The following ATG16L2 variants were observed in gnomAD, a reference collection of about 807,000 sequenced individuals.
The protein encoded by ATG16L2 is protein Atg16l2.
A neutral mutation model predicts 84.7 loss-of-function variants in ATG16L2; 77 were observed. That is an observed-to-expected ratio of 0.91 (90% CI 0.76 to 1.10). The LOEUF (loss-of-function observed/expected upper bound fraction) is 1.10, where lower values mean the gene tolerates loss of function less well. ATG16L2 is among the 50% of genes least tolerant of loss of function. The pLI is 0.00. For synonymous variants in ATG16L2, 361 were observed against 342.8 expected (o/e 1.05, Z -0.59); for missense variants, 782 against 817.6 (o/e 0.96, Z 0.53).
intron 3 of ATG16L2, among the ~76,000 whole-genome samples, chr11:72,819,315 C>T (rs1201966055): frequency 2.0e-5 from 3 of 152,124 alleles, no homozygotes; most frequent in Non-Finnish European, 4.4e-5. Flanking sequence ...CCATATCTGA[C>T]ATAGTACAAG....
chr11:72,818,743 C>T (rs1859820967), intron 3 of ATG16L2: 1 of 152,222 alleles, frequency 6.6e-6, no homozygotes, highest in Non-Finnish European at 1.5e-5. Context: ...ATTCTCTCAA[C>T]ATCTGTTGAC....
rs750803354 is a variant in ATG16L2, at chr11:72,828,500, G to C, written c.1614G>C (p.Gln538His). The C allele has an allele frequency of 6.2e-7, 1 of 1,614,188 alleles. No homozygotes were observed. Among genetic ancestry groups the C allele is most frequent in the African/African-American group, 1.3e-5 (1 of 75,060 alleles). Residue 538 changes from glutamine to histidine, a missense_variant, in exon 15 of 18, where the codon CAG becomes CAC. Physicochemically the swap from Gln to His is conservative, Grantham distance 24. Transcript: ENST00000321297. ...VIDLRVSNIR[Q>H]VFRADGFKCG... ...ACCTGCGTGTCAGCAACATCCGCCA[G>C]GTGTTCAGGTACCAGCCTCATGCCT...
At chr11:72,843,512 C>T (rs776802820) in exon 6 of ATG16L2, 1 of 1,613,712 alleles carries the variant, frequency 6.2e-7, no homozygotes, top group South Asian at 1.1e-5. Context: ...CCTCAATGGT[C>T]AACTCATCTG....
chr11:72,841,507 G>A lies in ATG16L2; in HGVS notation c.*22-1110G>A, dbSNP rs772588181. On this transcript the variant is annotated intron_variant, in intron 5 of 5. Coordinates refer to the ATG16L2 transcript ENST00000534905. ...CAGGGAGCTCCTCTTATCTGGGCTG[G>A]GGTAGGGGCTGCTGGGAGGCTGGTC... 1.3e-5 allele frequency: 21 copies of A among 1,611,376 alleles called. No individual in the cohort carries two copies. The East Asian group carries it at 2.5e-4, about 19-fold the overall frequency.
intron 11 of ATG16L2, 84 bp downstream of exon 11, chr11:72,826,327 C>T (rs564637547): frequency 4.4e-5 from 65 of 1,485,736 alleles, no homozygotes; most frequent in Middle Eastern, 3.7e-4. Flanking sequence ...GACCTGAGGG[C>T]GCAACATGGA....
downstream of ATG16L2, among the ~76,000 whole-genome samples, chr11:72,834,611 C>T (rs1182038682): frequency 1.3e-5 from 2 of 148,694 alleles, no homozygotes; most frequent in African/African-American, 5.0e-5. Context: ...GAGACAGAGT[C>T]TTGCTCTGTC....
In ATG16L2 at chr11:72,821,703, G is replaced by A. The variant is rs535139538; in HGVS notation, c.354G>A (p.Leu118=). 36 of 1,537,574 alleles carry A rather than the reference G, an allele frequency of 2.3e-5. No individual in the cohort carries two copies. Among genetic ancestry groups the A allele is most frequent in the Admixed American group, 9.8e-5 (5 of 50,950 alleles). Residue 118 remains leucine, a synonymous_variant, in exon 4 of 18, where the codon CTG becomes CTA. Coordinates refer to ENST00000321297, the MANE Select transcript of ATG16L2 (RefSeq NM_033388.2). Reference sequence around the variant, plus strand: ...AGGTGGTGGAGAAGGGCGCGGCCCTGGGCACGCTGGAGTCGGAGCTGCAGC... The same window carrying A: ...AGGTGGTGGAGAAGGGCGCGGCCCTAGGCACGCTGGAGTCGGAGCTGCAGC... ...AYQVVEKGAA[L]GTLESELQQR...
At chr11:72,824,647 T>C in intron 8 of ATG16L2, 87 bp from the exon 9 acceptor site, 1 of 957,420 alleles carries the variant, frequency 1.0e-6, no homozygotes, top group African/African-American at 1.6e-5. Context: ...GTCTGCTTCC[T>C]ATGGTTGATG....
In ATG16L2 at chr11:72,826,685, C is replaced by G. The variant is rs768966227; in HGVS notation, c.1246-18C>G. 1.2e-6 allele frequency: 2 copies of G among 1,614,098 alleles called. No homozygotes were observed. ...GTCTTGGCCAAACTCTTGATCCGTACCTGGGGCCGGGGTACAGGAGACACT... is the reference window on the plus strand; with the variant it reads ...GTCTTGGCCAAACTCTTGATCCGTAGCTGGGGCCGGGGTACAGGAGACACT... On this transcript the variant is annotated intron_variant, in intron 12 of 17. Coordinates refer to ENST00000321297, the MANE Select transcript of ATG16L2 (RefSeq NM_033388.2).
At position 72,824,147 on chromosome 11, in the gene ATG16L2, G is replaced by A. The variant is rs372312861; in HGVS notation, c.887+25G>A. ...AGTAAGTGTGTGTGTGCCTGTGTGT[G>A]CACCCACGTGTGTGTCGGGCTCCCC... On this transcript the variant is annotated intron_variant, in intron 8 of 17. Transcript: ENST00000321297. 5.6e-6 allele frequency: 9 copies of A among 1,613,880 alleles called. No individual in the cohort carries two copies. The African/African-American group carries it at 1.1e-4, about 19-fold the overall frequency.
In ATG16L2 at chr11:72,821,849, C is replaced by G. The variant is rs1002280257; in HGVS notation, c.392+108C>G. 65 of 1,440,404 alleles carry G rather than the reference C, an allele frequency of 4.5e-5. No homozygotes were observed. The Admixed American group carries it at 7.3e-4, about 16-fold the overall frequency. The allele number at this position is 1,440,404 out of a possible 1,614,324, so 89.2% of individuals were successfully genotyped here. A position where few individuals can be genotyped will look rare whatever the true frequency, so the allele number is the denominator to read the frequency against. On this transcript the variant is annotated intron_variant, in intron 4 of 17. Transcript: ENST00000321297. The stretch of plus-strand genomic sequence containing the variant: ...CGCGGGCCGAGATCTTTCCCTACGT[C>G]CCCCCGACCCCATCGGTTGGTGCCA...
rs1478113736 is a variant in ATG16L2, at chr11:72,814,473, C to T, written c.28C>T (p.Pro10Ser). The change falls in exon 1 of 18, where the codon CCC (proline) becomes TCC (serine). Residue 10 changes from proline (P) to serine (S), a missense_variant. Coordinates refer to ENST00000321297, the MANE Select transcript of ATG16L2 (RefSeq NM_033388.2). ...GGCGGGGCCGGGCGTCCCCGGTGCC[C>T]CCGCAGCGCGCTGGAAACGCCACAT... is the stretch of plus-strand genomic sequence containing the variant. Reference protein sequence around the residue: MAGPGVPGAPAARWKRHIVR... With the variant: MAGPGVPGASAARWKRHIVR... The T allele has an allele frequency of 2.0e-6, 3 of 1,518,120 alleles. No homozygotes were observed. The highest frequency in any genetic ancestry group is 1.2e-5 in the South Asian group (1 of 81,614). 94.0% of individuals were successfully genotyped at this position (1,518,120 alleles called of 1,614,324 possible).
intron 5 of ATG16L2, chr11:72,838,641 G>A (rs1860806440): frequency 3.2e-6 from 2 of 623,864 alleles, no homozygotes; most frequent in Non-Finnish European, 5.7e-6. Context: ...AACGTGGGAG[G>A]AGTCTACCAG....
rs1591303608 is a variant in ATG16L2 at position 72,822,584 on chromosome 11, C to G, written c.710+41C>G. On this transcript the variant is annotated intron_variant, in intron 6 of 17. Transcript: ENST00000321297. This position sits in a 1 kb window ranked among gnomAD's most constrained non-coding sequence, Gnocchi z 4.2. ...GGCCGGTCCGACCCTTGCGTTCTGC[C>G]TCCCGCCCCGCCTGCCTGCGGCGAC... The G allele has an allele frequency of 7.5e-7, 1 of 1,334,662 alleles. No individual in the cohort carries two copies. Among genetic ancestry groups the G allele is most frequent in the African/African-American group, 1.5e-5 (1 of 68,642 alleles). 82.7% of individuals were successfully genotyped at this position (1,334,662 alleles called of 1,614,324 possible). A position where few individuals can be genotyped will look rare whatever the true frequency, so the allele number is the denominator to read the frequency against.
At chr11:72,825,022 G>T (rs1169744524) in intron 9 of ATG16L2, among the ~76,000 whole-genome samples, 180 bp downstream of exon 9, 1 of 152,150 alleles carries the variant, frequency 6.6e-6, no homozygotes, top group Admixed American at 6.5e-5. Flanking sequence ...TTATGATGTG[G>T]GCATAAGCCG....
At chr11:72,841,967 ACTT>A (rs1241397435) in intron 5 of ATG16L2, among the ~76,000 whole-genome samples, 1 of 152,164 alleles carries the variant, frequency 6.6e-6, no homozygotes, top group Non-Finnish European at 1.5e-5. Context: ...TGAATTTCTG[ACTT>A]CCCCAGGTTT....
chr11:72,815,819 C>T (rs1455999160), intron 1 of ATG16L2: 3 of 152,114 alleles, frequency 2.0e-5, no homozygotes, highest in Non-Finnish European at 4.4e-5. Flanking sequence ...ACCCCACCCT[C>T]CCCTGGAACT....
downstream of ATG16L2, among the ~76,000 whole-genome samples, chr11:72,833,908 C>G (rs1048788502): frequency 6.7e-6 from 1 of 148,264 alleles, no homozygotes; most frequent in Non-Finnish European, 1.5e-5. Context: ...GGGTGACGAG[C>G]GAAACTCCGT....
At chr11:72,837,220 A>C (rs1031273196) in intron 5 of ATG16L2, 13 of 152,652 alleles carry the variant, frequency 8.5e-5, no homozygotes, top group African/African-American at 2.9e-4. Context: ...CAACAGGTTA[A>C]GAAGTGTAAA....
Sources: allele counts gnomAD v4.1 joint callset (sites outside exome capture counted in the v4.1 genomes callset), GRCh38; gene constraint gnomAD v4.1.1; non-coding constraint Gnocchi (gnomAD v3.1); transcripts MANE v1.5; gene names NCBI Gene and HGNC (gene_info 2026-07-23, HGNC 2026-07-21).